Variants in TENM3 observed in about 807,000 individuals in gnomAD.
The protein encoded by TENM3 is teneurin-3.
A neutral mutation model predicts 255.1 loss-of-function variants in TENM3; 63 were observed. The observed-to-expected ratio is 0.25, with a 90% CI of 0.20 to 0.30. The LOEUF (loss-of-function observed/expected upper bound fraction) is 0.30, where lower values mean the gene tolerates loss of function less well. Ranked by LOEUF, TENM3 falls within the 10% of genes least tolerant of loss-of-function variation. TENM3 has a pLI of 1.00. For synonymous variants in TENM3, 1,306 were observed against 1,322.3 expected (o/e 0.99, Z 0.27); for missense variants, 2,929 against 3,461.1 (o/e 0.85, Z 3.86).
the TENM3 span, among the ~76,000 whole-genome samples, chr4:181,495,808 A>G: frequency 6.6e-6 from 1 of 151,816 alleles, no homozygotes; most frequent in African/African-American, 2.4e-5. Context: ...TTTAAAATAT[A>G]AATACCCATT....
chr4:181,661,981 T>C, the TENM3 span, among the ~76,000 whole-genome samples: 1 of 152,064 alleles, frequency 6.6e-6, no homozygotes, highest in Admixed American at 6.5e-5. Context: ...AAATATAAGA[T>C]AACAGACTCC....
chr4:182,377,743 G>C (rs1177150974), intron 3 of TENM3, among the ~76,000 whole-genome samples: 1 of 152,094 alleles, frequency 6.6e-6, no homozygotes. Context: ...ATTTTCATTA[G>C]GAATACAGTT....
At chr4:182,795,964 T>G (rs1766470106) in intron 26 of TENM3, among the ~76,000 whole-genome samples, 1 of 152,212 alleles carries the variant, frequency 6.6e-6, no homozygotes, top group African/African-American at 2.4e-5. Flanking sequence ...GAATGGCTTT[T>G]GGAGTCACAT....
intron 3 of TENM3, among the ~76,000 whole-genome samples, chr4:182,547,732 A>G (rs966545306): frequency 6.6e-6 from 1 of 152,160 alleles, no homozygotes; most frequent in African/African-American, 2.4e-5. Flanking sequence ...TAGTTTGACT[A>G]AACTATCTTT....
chr4:182,587,518 G>A (rs1463872520), intron 3 of TENM3, among the ~76,000 whole-genome samples: 6 of 152,246 alleles, frequency 3.9e-5, no homozygotes, highest in South Asian at 2.1e-4. Context: ...GACAGAGGTC[G>A]CAGTGAGCCA....
the TENM3 span, among the ~76,000 whole-genome samples, chr4:181,806,284 C>CTTGTA: frequency 1.3e-5 from 2 of 152,316 alleles, no homozygotes; most frequent in South Asian, 4.1e-4. Flanking sequence ...TTACATCTGT[C>CTTGTA]ATCCCCACGC....
At chr4:181,455,082 G>A in the TENM3 span, among the ~76,000 whole-genome samples, 14 of 152,088 alleles carry the variant, frequency 9.2e-5, no homozygotes, top group South Asian at 4.1e-4. Context: ...AAAGAGAACC[G>A]GGATCAGAGT....
intron 1 of TENM3, among the ~76,000 whole-genome samples, chr4:182,305,414 A>C (rs1762077663): frequency 6.6e-6 from 1 of 152,168 alleles, no homozygotes; most frequent in African/African-American, 2.4e-5. Flanking sequence ...CAAAATGTTT[A>C]TTTCGAAGTA....
intron 1 of TENM3, chr4:182,145,098 C>T (rs949457712): frequency 1.1e-4 from 16 of 152,288 alleles, no homozygotes; most frequent in African/African-American, 3.8e-4. Flanking sequence ...GAGGGGAGCC[C>T]GCCAGGTCCT....
chr4:182,784,040 C>T (rs963853957), intron 24 of TENM3, among the ~76,000 whole-genome samples: 1 of 152,214 alleles, frequency 6.6e-6, no homozygotes, highest in Non-Finnish European at 1.5e-5. Flanking sequence ...TCGTCTGACG[C>T]CTTCTACTCT....
At chr4:182,019,735 G>A in the TENM3 span, among the ~76,000 whole-genome samples, 28 of 152,066 alleles carry the variant, frequency 1.8e-4, no homozygotes, top group African/African-American at 6.3e-4. Context: ...CTGAATCTTG[G>A]CTCACTACAA....
intron 1 of TENM3, among the ~76,000 whole-genome samples, chr4:182,146,011 G>T (rs965332687): frequency 2.7e-5 from 4 of 150,020 alleles, no homozygotes; most frequent in African/African-American, 1.0e-4. Context: ...AACAGAACTT[G>T]GTGATTTGAT....
intron 3 of TENM3, among the ~76,000 whole-genome samples, chr4:182,526,971 C>A (rs796996039): frequency 1.4e-5 from 2 of 140,404 alleles, no homozygotes; most frequent in South Asian, 2.2e-4. Context: ...TTTCTGAGTT[C>A]TTTAATTTTT....
chr4:182,019,336 C>T, the TENM3 span, among the ~76,000 whole-genome samples: 31 of 152,266 alleles, frequency 2.0e-4, no homozygotes, highest in Middle Eastern at 6.8e-3. Flanking sequence ...TTGCACCCAG[C>T]GCCACTGGTC....
chr4:182,780,288 C>G, intron 24 of TENM3, among the ~76,000 whole-genome samples: 12 of 138,144 alleles, frequency 8.7e-5, no homozygotes, highest in East Asian at 2.1e-4. Flanking sequence ...AGCCAGTTTT[C>G]CCAGCACCAT....
intron 3 of TENM3, among the ~76,000 whole-genome samples, chr4:182,538,779 AAGG>A (rs1393273796): frequency 6.6e-6 from 1 of 152,114 alleles, no homozygotes; most frequent in Non-Finnish European, 1.5e-5. Context: ...AGCAAAGGAA[AAGG>A]AGGTTTCCAA....
chr4:182,168,316 A>G (rs550265135), intron 1 of TENM3, among the ~76,000 whole-genome samples: 1 of 152,002 alleles, frequency 6.6e-6, no homozygotes, highest in East Asian at 1.9e-4. Flanking sequence ...TCTATTTTTT[A>G]TAGGGACTGG....
At chr4:182,314,376 C>A (rs191224370) in intron 1 of TENM3, among the ~76,000 whole-genome samples, 4 of 151,760 alleles carry the variant, frequency 2.6e-5, no homozygotes, top group Admixed American at 2.6e-4. Flanking sequence ...TGTCATGTCA[C>A]CATGACAGCT....
At chr4:181,635,897 A>G in the TENM3 span, among the ~76,000 whole-genome samples, 1 of 152,190 alleles carries the variant, frequency 6.6e-6, no homozygotes, top group Non-Finnish European at 1.5e-5. Context: ...AGACATGGCC[A>G]TTCTTGTGGC....
Sources: allele counts gnomAD v4.1 joint callset (sites outside exome capture counted in the v4.1 genomes callset), GRCh38; gene constraint gnomAD v4.1.1; transcripts MANE v1.5; gene names NCBI Gene and HGNC (gene_info 2026-07-23, HGNC 2026-07-21).